The following MLF1 variants were observed in gnomAD, a reference collection of about 807,000 sequenced individuals.
MLF1 encodes myelodysplasia-myeloid leukemia factor 1.
In MLF1, 37 loss-of-function variants were observed where a neutral mutation model predicts 38.3. The observed-to-expected ratio is 0.96, with a 90% CI of 0.74 to 1.27. The LOEUF (loss-of-function observed/expected upper bound fraction) is 1.27, where lower values mean the gene tolerates loss of function less well. Ranked by LOEUF, MLF1 falls within the 50% of genes most tolerant of loss-of-function variation. The pLI is 0.00. For synonymous variants in MLF1, 95 were observed against 106.5 expected, an observed-to-expected ratio of 0.89 and a Z score of 0.66; for missense variants, 331 against 349.2, an observed-to-expected ratio of 0.95 and a Z score of 0.42.
intron 4 of MLF1, 92 bp downstream of exon 4, chr3:158,597,037 G>A: frequency 1.1e-5 from 8 of 699,776 alleles, no homozygotes; most frequent in East Asian, 5.6e-5. Context: ...TAACCATAGT[G>A]GTTAAAAAAG....
intron 1 of MLF1, among the ~76,000 whole-genome samples, chr3:158,588,082 A>G (rs891830997): frequency 4.6e-5 from 7 of 152,248 alleles, no homozygotes; most frequent in Non-Finnish European, 1.0e-4. Flanking sequence ...ACTTCGGGGA[A>G]AGAGCTACCA....
chr3:158,573,880 C>T (rs1030052476), intron 1 of MLF1, among the ~76,000 whole-genome samples: 8 of 152,162 alleles, frequency 5.3e-5, no homozygotes, highest in Non-Finnish European at 8.8e-5. Flanking sequence ...TCTCGGCTCA[C>T]TGCAGCCTCT....
intron 1 of MLF1, among the ~76,000 whole-genome samples, chr3:158,588,610 A>C (rs1303328399): frequency 1.4e-4 from 13 of 95,982 alleles, no homozygotes; most frequent in African/African-American, 3.9e-4. Context: ...CAAAAAAAAA[A>C]AAAAAAAAAA....
intron 1 of MLF1, among the ~76,000 whole-genome samples, chr3:158,577,491 T>G (rs2731122): frequency 0.66 from 99,767 of 152,076 alleles, 33,316 homozygotes; most frequent in African/African-American, 0.75. Flanking sequence ...TTAAGTTACT[T>G]ATTTTCAAGG....
rs748541455 is a variant in MLF1, at chr3:158,600,168, A to T, written c.608A>T (p.Asn203Ile). 7.0e-7 allele frequency: 1 copy of T among 1,427,620 alleles called. No individual in the cohort carries two copies. Among genetic ancestry groups the T allele is most frequent in the Middle Eastern group, 1.9e-4 (1 of 5,278 alleles). 88.4% of individuals were successfully genotyped at this position (1,427,620 alleles called of 1,614,324 possible). A position where few individuals can be genotyped will look rare whatever the true frequency, so the allele number is the denominator to read the frequency against. ...GTCAACCAGGAGTTCATCAATATGA[A>T]TGAAAGTAAGTTATCACAAAAAAAT... ...EEVNQEFINM[N>I]ESDAHAFDEE... Residue 203 changes from asparagine to isoleucine, a missense_variant, in exon 6 of 8, where the codon AAT (asparagine) becomes ATT (isoleucine). Transcript: ENST00000466246.
At chr3:158,572,242 G>A (rs1203192594) in intron 1 of MLF1, among the ~76,000 whole-genome samples, 13 of 123,344 alleles carry the variant, frequency 1.1e-4, no homozygotes, top group African/African-American at 3.8e-4. Context: ...GTTTTGGACC[G>A]CGAGGTGGGG....
rs747370582 is a variant in MLF1, at chr3:158,571,336, C to A, written c.36C>A (p.Asp12Glu). The A allele has an allele frequency of 6.2e-7, 1 of 1,613,170 alleles. No individual in the cohort carries two copies. Among genetic ancestry groups the A allele is most frequent in the Non-Finnish European group, 8.5e-7 (1 of 1,179,904 alleles). ...FRMLNSSFED[D>E]PFFSESILAH... is the part of the protein sequence containing the mutation. ...TGCTGAACAGCAGTTTTGAGGATGA[C>A]CCCTTCTTCTCGTGAGTTACGGGAG... Residue 12 changes from aspartate to glutamate, a missense_variant, in exon 1 of 8, where the codon GAC becomes GAA. Coordinates refer to ENST00000466246, the MANE Select transcript of MLF1 (RefSeq NM_001369783.1).
intron 1 of MLF1, among the ~76,000 whole-genome samples, chr3:158,589,210 A>ATT (rs928652713): frequency 6.6e-6 from 1 of 151,074 alleles, no homozygotes; most frequent in African/African-American, 2.4e-5. Context: ...GAATTTTTGT[A>ATT]TTTTTTTTTA....
intron 2 of MLF1, 85 bp downstream of exon 2, chr3:158,592,666 A>T (rs112975102): frequency 4.6e-6 from 5 of 1,089,918 alleles, no homozygotes; most frequent in Non-Finnish European, 6.5e-6. Context: ...ATCTATAATG[A>T]TAGGATATGA....
chr3:158,591,090 C>T (rs1377340128), intron 1 of MLF1: 3 of 513,300 alleles, frequency 5.8e-6, no homozygotes, highest in Non-Finnish European at 7.8e-6. Flanking sequence ...GACTTATGAG[C>T]AGAAGACAGA....
intron 1 of MLF1, among the ~76,000 whole-genome samples, chr3:158,578,488 GTACA>G (rs1299694635): frequency 1.5e-4 from 23 of 149,322 alleles, no homozygotes; most frequent in Admixed American, 9.3e-4. Context: ...ATGTACGTAT[GTACA>G]TACATACATA....
At chr3:158,582,186 A>T (rs1055740888) in intron 1 of MLF1, among the ~76,000 whole-genome samples, 3 of 152,158 alleles carry the variant, frequency 2.0e-5, no homozygotes, top group African/African-American at 7.2e-5. Flanking sequence ...TCAAAAAAAA[A>T]AGAGAGAAAT....
chr3:158,582,134 C>T (rs1375994407), intron 1 of MLF1, among the ~76,000 whole-genome samples: 3 of 151,742 alleles, frequency 2.0e-5, no homozygotes, highest in Non-Finnish European at 1.5e-5. Context: ...GAGCTGAGAT[C>T]GTGCCATTGC....
At chr3:158,593,352 A>T in intron 2 of MLF1, 30 bp from the exon 3 acceptor site, 1 of 1,506,084 alleles carries the variant, frequency 6.6e-7, no homozygotes, top group Non-Finnish European at 8.9e-7. Context: ...TAAATGTCAT[A>T]ATCAAATGAA....
chr3:158,593,350 A>G lies in MLF1; in HGVS notation c.196-32A>G. 2.0e-6 allele frequency: 3 copies of G among 1,501,944 alleles called. No individual in the cohort carries two copies. In the East Asian group the frequency reaches 7.3e-5, roughly 36 times the overall value. 93.0% of individuals were successfully genotyped at this position (1,501,944 alleles called of 1,614,324 possible). Reference sequence around the variant, plus strand: ...GAGAAACTTCTATATAATAAATGTCATAATCAAATGAATTGGATATTATTT... The same window carrying G: ...GAGAAACTTCTATATAATAAATGTCGTAATCAAATGAATTGGATATTATTT... On this transcript the variant is annotated intron_variant, in intron 2 of 7. Coordinates refer to ENST00000466246, the MANE Select transcript of MLF1 (RefSeq NM_001369783.1).
In MLF1 at chr3:158,584,693, GTGTGTGTA is replaced by G. The variant is rs1471700195; in HGVS notation, c.48-7739_48-7732del. Among the ~76,000 whole-genome samples the G allele has an allele frequency of 4.1e-5, 6 of 147,678 alleles. 1 individual carries two copies. The highest frequency in any genetic ancestry group is 1.5e-4 in the African/African-American group (6 of 39,830). Reference sequence around the variant, plus strand: ...TGTGTGTGTGTGTGTGTGTGTGTGTGTGTGTGTATACTTTTTTATGTATATACCCCCCC... The same window carrying G: ...TGTGTGTGTGTGTGTGTGTGTGTGTGTACTTTTTTATGTATATACCCCCCC... On this transcript the variant is annotated intron_variant, in intron 1 of 7. Transcript: ENST00000466246.
At chr3:158,572,503 G>A (rs528285246) in intron 1 of MLF1, among the ~76,000 whole-genome samples, 4 of 133,856 alleles carry the variant, frequency 3.0e-5, no homozygotes, top group Admixed American at 7.4e-5. Flanking sequence ...GGATTTGGGG[G>A]CATGAGGTGT....
At chr3:158,599,874 T>C in intron 5 of MLF1, 140 bp from the exon 6 acceptor site, 1 of 323,254 alleles carries the variant, frequency 3.1e-6, no homozygotes, top group Non-Finnish European at 5.5e-6. Flanking sequence ...ACCACAGTTT[T>C]ACCACAAGTT....
rs756665100 is a variant in MLF1 at position 158,600,179 on chromosome 3, T to C, written c.613+6T>C. 7 of 1,403,180 alleles carry C rather than the reference T, an allele frequency of 5.0e-6. No individual in the cohort carries two copies. Among genetic ancestry groups the C allele is most frequent in the Non-Finnish European group, 6.5e-6 (7 of 1,070,222 alleles). 86.9% of individuals were successfully genotyped at this position (1,403,180 alleles called of 1,614,324 possible). ...GTTCATCAATATGAATGAAAGTAAG[T>C]TATCACAAAAAAATAATATTCTTTC... is the stretch of plus-strand genomic sequence containing the variant. On this transcript the variant is annotated splice_donor_region_variant and intron_variant, in intron 6 of 7. Transcript: ENST00000466246.
Sources: gnomAD v4.1 joint callset for allele counts (sites outside exome capture counted in the v4.1 genomes callset) on GRCh38, gnomAD v4.1.1 for gene constraint, MANE v1.5 for transcripts, NCBI Gene and HGNC (gene_info 2026-07-23, HGNC 2026-07-21) for gene names.